Variants in FGF14 observed in about 807,000 individuals in gnomAD.
The protein encoded by FGF14 is fibroblast growth factor homologous factor 4.
A neutral mutation model predicts 25.5 loss-of-function variants in FGF14; 5 were observed. The observed-to-expected ratio is 0.20, with a 90% CI of 0.10 to 0.41. The LOEUF (loss-of-function observed/expected upper bound fraction) is 0.41, where lower values mean the gene tolerates loss of function less well. FGF14 is among the 10% of genes least tolerant of loss of function. The pLI is 1.00. For missense variants in FGF14, 222 were observed against 320.1 expected (o/e 0.69, Z 2.34); for synonymous variants, 138 against 118.3 (o/e 1.17, Z -1.08).
At chr13:102,122,416 C>T (rs1285774589) in intron 1 of FGF14, among the ~76,000 whole-genome samples, 1 of 152,206 alleles carries the variant, frequency 6.6e-6, no homozygotes, top group Non-Finnish European at 1.5e-5. Flanking sequence ...TTCCTGCTAA[C>T]AAGCCCCTAG....
intron 1 of FGF14, among the ~76,000 whole-genome samples, chr13:101,880,458 T>A (rs1239751393): frequency 6.6e-6 from 1 of 152,122 alleles, no homozygotes; most frequent in Non-Finnish European, 1.5e-5. Context: ...TCCCAGCTAT[T>A]CTGGAGGCTG....
At chr13:102,371,467 C>A (rs114219869) in intron 1 of FGF14, among the ~76,000 whole-genome samples, 2,432 of 152,208 alleles carry the variant, frequency 0.016, 71 homozygotes, top group African/African-American at 0.056. Context: ...CCTAGAAAAT[C>A]CAGTCTAAAT....
At chr13:102,180,437 C>T (rs904298319) in intron 1 of FGF14, among the ~76,000 whole-genome samples, 2 of 152,002 alleles carry the variant, frequency 1.3e-5, no homozygotes, top group South Asian at 4.2e-4. Flanking sequence ...CTCAGCCTCC[C>T]GAGTAGCTGG....
At chr13:101,774,527 T>C (rs1382608427) in intron 3 of FGF14, among the ~76,000 whole-genome samples, 1 of 152,062 alleles carries the variant, frequency 6.6e-6, no homozygotes, top group Non-Finnish European at 1.5e-5. Flanking sequence ...GGAATGAAGG[T>C]AGTCTTGCTG....
intron 1 of FGF14, among the ~76,000 whole-genome samples, chr13:102,330,516 C>T (rs984195163): frequency 1.3e-4 from 20 of 152,160 alleles, no homozygotes; most frequent in Admixed American, 4.6e-4. Flanking sequence ...ACTCTCTTGA[C>T]ACAGGAATAA....
intron 3 of FGF14, among the ~76,000 whole-genome samples, chr13:101,841,220 A>AT (rs2043176142): frequency 6.6e-6 from 1 of 151,900 alleles, no homozygotes; most frequent in South Asian, 2.1e-4. Flanking sequence ...TTACTTTATT[A>AT]TTTTTTTCTC....
chr13:102,315,335 G>A (rs1413247577), intron 1 of FGF14, among the ~76,000 whole-genome samples: 2 of 152,138 alleles, frequency 1.3e-5, no homozygotes, highest in Non-Finnish European at 2.9e-5. Context: ...CTCCCAGCCT[G>A]CACCCCTTCA....
intron 3 of FGF14, among the ~76,000 whole-genome samples, chr13:101,842,345 T>C (rs557246677): frequency 1.6e-4 from 25 of 152,162 alleles, no homozygotes; most frequent in Non-Finnish European, 2.9e-4. Context: ...CAGTCCTTTT[T>C]ATAAGGTCAA....
rs747801891 is a variant in FGF14 at position 101,725,895 on chromosome 13, GATTA to G, written c.607+713_607+716del. ...TAATGAGAGAGGTGCAGATGTTGTT[GATTA>G]ATTAAAAAAACTTTGTAGCCTGCTC... On this transcript the variant is annotated intron_variant, in intron 4 of 4. Transcript: ENST00000376143. 5.3e-5 allele frequency among the ~76,000 whole-genome samples: 8 copies of G among 152,140 alleles called. No individual in the cohort carries two copies. The East Asian group carries it at 1.5e-3, about 29-fold the overall frequency.
At chr13:101,806,439 A>C (rs1207558744) in intron 3 of FGF14, among the ~76,000 whole-genome samples, 1 of 150,920 alleles carries the variant, frequency 6.6e-6, no homozygotes, top group African/African-American at 2.4e-5. Context: ...AAAAAAAAAA[A>C]GGAAGAAAAA....
At chr13:102,270,531 T>C (rs949107909) in intron 1 of FGF14, among the ~76,000 whole-genome samples, 1 of 152,130 alleles carries the variant, frequency 6.6e-6, no homozygotes, top group Non-Finnish European at 1.5e-5. Context: ...ACTTACCAAA[T>C]ATATAAAAGC....
intron 1 of FGF14, among the ~76,000 whole-genome samples, chr13:102,076,223 C>T (rs1030499997): frequency 1.3e-5 from 2 of 152,130 alleles, no homozygotes; most frequent in African/African-American, 2.4e-5. Flanking sequence ...TTGCAAGCCC[C>T]GTTCATGGTA....
At chr13:102,295,703 C>T (rs2054670304) in intron 1 of FGF14, among the ~76,000 whole-genome samples, 1 of 152,144 alleles carries the variant, frequency 6.6e-6, no homozygotes, top group South Asian at 2.1e-4. Context: ...TTTCACAGCA[C>T]CACATTGCTT....
intron 1 of FGF14, among the ~76,000 whole-genome samples, chr13:101,950,686 A>T (rs556493966): frequency 6.6e-6 from 1 of 152,004 alleles, no homozygotes; most frequent in South Asian, 2.1e-4. Context: ...TGCTCTCAGC[A>T]GGTTTTGCAT....
chr13:101,901,814 G>T (rs2031592460), intron 1 of FGF14, among the ~76,000 whole-genome samples: 1 of 152,118 alleles, frequency 6.6e-6, no homozygotes, highest in Non-Finnish European at 1.5e-5. Flanking sequence ...TAGATTATAT[G>T]ACCCAGGAAA....
chr13:101,726,863 T>C, intron 3 of FGF14, 53 bp from the exon 4 acceptor site: 1 of 1,328,456 alleles, frequency 7.5e-7, no homozygotes, highest in Non-Finnish European at 1.1e-6. Flanking sequence ...ATCTTCACTG[T>C]ACATTCTACT....
chr13:102,341,790 C>T (rs2056960005), intron 1 of FGF14, among the ~76,000 whole-genome samples: 1 of 152,164 alleles, frequency 6.6e-6, no homozygotes, highest in Non-Finnish European at 1.5e-5. Flanking sequence ...AGTTGACCTA[C>T]TGAGGGAAAA....
intron 1 of FGF14, among the ~76,000 whole-genome samples, chr13:102,272,369 C>T (rs1314046971): frequency 2.0e-5 from 3 of 152,088 alleles, no homozygotes; most frequent in Non-Finnish European, 4.4e-5. Flanking sequence ...GTTTATTTGA[C>T]TTTTTTGCTT....
intron 1 of FGF14, among the ~76,000 whole-genome samples, chr13:102,064,313 C>T (rs1025352715): frequency 6.6e-6 from 1 of 152,018 alleles, no homozygotes; most frequent in African/African-American, 2.4e-5. Context: ...GCATAAAAAT[C>T]AAACATCTTT....
Sources: gnomAD v4.1 joint callset for allele counts (sites outside exome capture counted in the v4.1 genomes callset) on GRCh38, gnomAD v4.1.1 for gene constraint, MANE v1.5 for transcripts, NCBI Gene and HGNC (gene_info 2026-07-23, HGNC 2026-07-21) for gene names.